The following ZNF285 variants were observed in gnomAD, a reference collection of about 807,000 sequenced individuals.
The protein encoded by ZNF285 is zinc finger protein 285A.
A neutral mutation model predicts 6.2 loss-of-function variants in ZNF285; 4 were observed. The ratio of observed to expected loss-of-function variants is 0.65; its 90% confidence interval spans 0.32 to 1.49. The LOEUF is 1.49. Ranked by LOEUF, ZNF285 falls within the 40% of genes most tolerant of loss-of-function variation. The probability of loss-of-function intolerance (pLI) is 0.07; values close to 1 mark genes in which losing one functional copy is unlikely to be tolerated. For missense variants in ZNF285, 695 were observed against 708.8 expected (o/e 0.98, Z 0.22); for synonymous variants, 240 against 245.8 (o/e 0.98, Z 0.22).
In ZNF285 at chr19:44,400,382, G is replaced by C. The variant is rs575926974; in HGVS notation, c.-44+1186C>G. On this transcript the variant is annotated intron_variant, in intron 1 of 3. Transcript: ENST00000614994. ...CACGATCAGAAATGTAATAAATGCTGCTATTACACCTAAAATAATTAACAC... is the reference window on the plus strand; with the variant it reads ...CACGATCAGAAATGTAATAAATGCTCCTATTACACCTAAAATAATTAACAC... 2.0e-5 allele frequency among the ~76,000 whole-genome samples: 3 copies of C among 151,930 alleles called. No individual in the cohort carries two copies. The South Asian group carries it at 6.2e-4, about 32-fold the overall frequency.
chr19:44,395,276 C>G (rs1971261565), intron 2 of ZNF285, among the ~76,000 whole-genome samples: 2 of 152,148 alleles, frequency 1.3e-5, no homozygotes, highest in South Asian at 4.1e-4. Flanking sequence ...CTGGTGCTTC[C>G]ACTTACAAGA....
intron 3 of ZNF285, among the ~76,000 whole-genome samples, chr19:44,388,922 G>C (rs1599957713): frequency 6.9e-6 from 1 of 144,718 alleles, no homozygotes; most frequent in South Asian, 2.1e-4. Context: ...TGAGCCTTAA[G>C]GGGATGGGGA....
In ZNF285 at chr19:44,400,771, C is replaced by T. The variant is rs369941095; in HGVS notation, c.-44+797G>A. Among the ~76,000 whole-genome samples, 6 of 152,136 alleles carry T rather than the reference C, an allele frequency of 3.9e-5. No homozygotes were observed. The East Asian group carries it at 9.7e-4, about 25-fold the overall frequency. On this transcript the variant is annotated intron_variant, in intron 1 of 3. Coordinates refer to ENST00000614994, the MANE Select transcript of ZNF285 (RefSeq NM_152354.6). The stretch of plus-strand genomic sequence containing the variant: ...TTGTAATTGTTTTTTGTAGTAGAGA[C>T]GGGGTTTCACCGTGTTAGCCAGGAT...
chr19:44,386,413 C>T lies in ZNF285; in HGVS notation c.*59G>A. On this transcript the variant is annotated 3_prime_UTR_variant, in exon 4 of 4. Coordinates refer to ENST00000614994, the MANE Select transcript of ZNF285 (RefSeq NM_152354.6). The stretch of plus-strand genomic sequence containing the variant: ...GCCCTCCCACAGGCTGAGTAAGCCT[C>T]TATCATCTGGAATACAGTGTGGCTT... 1 of 1,545,822 alleles carries T rather than the reference C, an allele frequency of 6.5e-7. No individual in the cohort carries two copies. Among genetic ancestry groups the T allele is most frequent in the South Asian group, 1.2e-5 (1 of 80,606 alleles).
Position 44,386,848 on chromosome 19 carries a change from G to C in ZNF285, c.1397C>G (p.Ala466Gly), listed in dbSNP as rs150792548. The C allele has an allele frequency of 1.2e-6, 2 of 1,613,768 alleles. 1 individual carries two copies. Among genetic ancestry groups the C allele is most frequent in the South Asian group, 2.2e-5 (2 of 91,084 alleles). Reference sequence around the variant, plus strand: ...ATGAGTGTGAAGAACAGAGCTATACGCAAAATCCTTTCCACACACATTGCA... The same window carrying C: ...ATGAGTGTGAAGAACAGAGCTATACCCAAAATCCTTTCCACACACATTGCA... ...YKCNVCGKDF[A>G]YSSVLHTHQR... The change falls in exon 4 of 4, where the codon GCG (alanine) becomes GGG (glycine). Residue 466 changes from alanine to glycine, a missense_variant. By Grantham distance (60) the Ala-to-Gly change is moderately conservative (BLOSUM62 0). Coordinates refer to ENST00000614994, the MANE Select transcript of ZNF285 (RefSeq NM_152354.6).
At chr19:44,392,081 A>C in intron 3 of ZNF285, 2 of 996,536 alleles carry the variant, frequency 2.0e-6, no homozygotes, top group Non-Finnish European at 2.6e-6. Flanking sequence ...TGAGTAGGGG[A>C]GGGAGGGCTT....
chr19:44,394,754 C>G (rs1568388549), intron 2 of ZNF285, among the ~76,000 whole-genome samples: 1 of 152,092 alleles, frequency 6.6e-6, no homozygotes, highest in Non-Finnish European at 1.5e-5. Context: ...TTACAAAGGA[C>G]TTCACAAGAA....
chr19:44,400,518 C>T (rs538925563), intron 1 of ZNF285, among the ~76,000 whole-genome samples: 14 of 152,262 alleles, frequency 9.2e-5, no homozygotes, highest in East Asian at 5.8e-4. Context: ...AAAGTCCCTA[C>T]TCCCTGGCTC....
Position 44,386,781 on chromosome 19 carries a change from C to A in ZNF285, c.1464G>T (p.Val488=). The change falls in exon 4 of 4, where the codon GTG becomes GTT. Residue 488 remains valine (V), a synonymous_variant. Coordinates refer to ENST00000614994, the MANE Select transcript of ZNF285 (RefSeq NM_152354.6). ...AACTGTAACTGAAGCACTTTCCACA[C>A]ACTTCACATTTATATGGTTTTTCTC... ...HTGEKPYKCE[V]CGKCFSYSSY... 1 of 1,614,242 alleles carries A rather than the reference C, an allele frequency of 6.2e-7. No homozygotes were observed.
chr19:44,385,126 A>G lies in ZNF285; in HGVS notation c.*1346T>C, dbSNP rs974993502. Reference sequence around the variant, plus strand: ...ATCCTTTAAAAACCCATTATTATACAGGTCTGCTGAGAAGAAGACTGCATC... The same window carrying G: ...ATCCTTTAAAAACCCATTATTATACGGGTCTGCTGAGAAGAAGACTGCATC... On this transcript the variant is annotated 3_prime_UTR_variant, in exon 4 of 4. Coordinates refer to ENST00000614994, the MANE Select transcript of ZNF285 (RefSeq NM_152354.6). The G allele has an allele frequency of 6.6e-5, 10 of 152,134 alleles. No homozygotes were observed. The highest frequency in any genetic ancestry group is 2.4e-4 in the African/African-American group (10 of 41,430). 9.4% of individuals were successfully genotyped at this position (152,134 alleles called of 1,614,324 possible). A position where few individuals can be genotyped will look rare whatever the true frequency, so the allele number is the denominator to read the frequency against.
intron 3 of ZNF285, among the ~76,000 whole-genome samples, chr19:44,390,567 G>A (rs1045414255): frequency 4.6e-5 from 7 of 152,118 alleles, no homozygotes; most frequent in African/African-American, 1.7e-4. Context: ...TGTCTCCGAT[G>A]AGACAATGGA....
At position 44,387,679 on chromosome 19, in the gene ZNF285, G is replaced by C. The variant is rs778248644; in HGVS notation, c.566C>G (p.Ser189Ter). ...AQHDDSLSWT[S>*]CDHHESQECK... ...TTCTTGGGACTCATGATGATCACAT[G>C]AGGTCCAACTGAGGCTGTCATCATG... is the stretch of plus-strand genomic sequence containing the variant. Residue 189 changes from serine (S) to a stop codon, truncating the protein, a stop_gained, in exon 4 of 4, where the codon TCA (serine) becomes TGA (stop). Transcript: ENST00000614994. LOFTEE classifies it low-confidence loss of function (END_TRUNC). 2.5e-6 allele frequency: 4 copies of C among 1,613,714 alleles called. No individual in the cohort carries two copies. The highest frequency in any genetic ancestry group is 1.7e-5 in the Admixed American group (1 of 59,960).
At chr19:44,398,820 G>A (rs1298305985) in intron 1 of ZNF285, among the ~76,000 whole-genome samples, 2 of 151,956 alleles carry the variant, frequency 1.3e-5, no homozygotes, top group African/African-American at 2.4e-5. Context: ...TGGAAACACC[G>A]AAGATTAAAA....
At chr19:44,388,487 G>C (rs1172567069) in intron 3 of ZNF285, among the ~76,000 whole-genome samples, 2 of 151,776 alleles carry the variant, frequency 1.3e-5, no homozygotes, top group African/African-American at 4.9e-5. Context: ...TTGGAGGATT[G>C]CTTAATCCTG....
chr19:44,397,400 A>C (rs1971300160), intron 1 of ZNF285, 144 bp from the exon 2 acceptor site: 2 of 933,404 alleles, frequency 2.1e-6, no homozygotes, highest in African/African-American at 3.4e-5. Flanking sequence ...CTGAACTCCC[A>C]CCTCCTCAAG....
chr19:44,386,964 T>C lies in ZNF285; in HGVS notation c.1281A>G (p.Pro427=), dbSNP rs553045966. ...CCTTTCCACACTCACCACACCTATA[T>C]GGTTTCTCCCCTGTGTGAAACCTCC... ...VHWRFHTGEK[P]YRCGECGKGF... The change falls in exon 4 of 4, where the codon CCA becomes CCG. Residue 427 remains proline, a synonymous_variant. Transcript: ENST00000614994. The C allele has an allele frequency of 2.7e-5, 44 of 1,613,860 alleles. No homozygotes were observed. In the East Asian group the frequency reaches 8.9e-4, roughly 33 times the overall value.
At chr19:44,393,242 T>C (rs1971227253) in intron 2 of ZNF285, among the ~76,000 whole-genome samples, 1 of 152,172 alleles carries the variant, frequency 6.6e-6, no homozygotes, top group Non-Finnish European at 1.5e-5. Context: ...TGTGTGTGTA[T>C]ATATGTATAT....
intron 3 of ZNF285, among the ~76,000 whole-genome samples, 190 bp from the exon 4 acceptor site, chr19:44,388,292 A>C (rs1971133744): frequency 6.6e-6 from 1 of 151,794 alleles, no homozygotes; most frequent in Non-Finnish European, 1.5e-5. Context: ...AATTAAAAGA[A>C]ATCTTGGCCA....
At chr19:44,398,070 T>C (rs1421816045) in intron 1 of ZNF285, among the ~76,000 whole-genome samples, 4 of 151,956 alleles carry the variant, frequency 2.6e-5, no homozygotes, top group African/African-American at 4.8e-5. Context: ...TAATCAATAA[T>C]ACAAATTTTT....
Sources: gnomAD v4.1 joint callset for allele counts (sites outside exome capture counted in the v4.1 genomes callset) on GRCh38, gnomAD v4.1.1 for gene constraint, MANE v1.5 for transcripts, NCBI Gene and HGNC (gene_info 2026-07-23, HGNC 2026-07-21) for gene names.